Variants in MAU2 observed in about 807,000 individuals in gnomAD.
The protein encoded by MAU2 is MAU2 chromatid cohesion factor homolog.
A neutral mutation model predicts 89.1 loss-of-function variants in MAU2; 9 were observed. The observed-to-expected ratio is 0.10, with a 90% CI of 0.06 to 0.18. MAU2 has a LOEUF of 0.18. Ranked by LOEUF, MAU2 falls within the 10% of genes least tolerant of loss-of-function variation. The pLI is 1.00. For synonymous variants in MAU2, 357 were observed against 343.4 expected, an observed-to-expected ratio of 1.04 and a Z score of -0.44; for missense variants, 425 against 803.5, an observed-to-expected ratio of 0.53 and a Z score of 5.69.
Position 19,345,032 on chromosome 19 carries a change from C to G in MAU2, c.1155+106C>G. The G allele has an allele frequency of 9.7e-7, 1 of 1,026,118 alleles. No homozygotes were observed. Among genetic ancestry groups the G allele is most frequent in the Non-Finnish European group, 1.5e-6 (1 of 674,980 alleles). 63.6% of individuals were successfully genotyped at this position (1,026,118 alleles called of 1,614,324 possible). Reference sequence around the variant, plus strand: ...CCAGTGAAGGACCCCCTGACAGCACCCTAATCAGAATCCGGAATGTTCCCA... The same window carrying G: ...CCAGTGAAGGACCCCCTGACAGCACGCTAATCAGAATCCGGAATGTTCCCA... On this transcript the variant is annotated intron_variant, in intron 11 of 18. Coordinates refer to ENST00000262815, the MANE Select transcript of MAU2 (RefSeq NM_015329.4). The surrounding 1 kb of genome is among the most constrained non-coding windows in gnomAD (Gnocchi z 4.9).
chr19:19,325,276 A>C (rs976224805), intron 1 of MAU2, among the ~76,000 whole-genome samples: 1 of 152,094 alleles, frequency 6.6e-6, no homozygotes, highest in African/African-American at 2.4e-5. Flanking sequence ...CCCGGGTTCA[A>C]GCGAGTCTCC....
At chr19:19,340,262 A>C (rs2061631939) in intron 5 of MAU2, among the ~76,000 whole-genome samples, 1 of 148,920 alleles carries the variant, frequency 6.7e-6, no homozygotes, top group Admixed American at 6.7e-5. Flanking sequence ...GAACCCGGGA[A>C]GCATAGGTTG....
rs767634264 is a variant in MAU2, at chr19:19,349,197, C to G, written c.1401C>G (p.Leu467=). The G allele has an allele frequency of 2.2e-5, 36 of 1,614,084 alleles. 1 individual carries two copies. Among genetic ancestry groups the G allele is most frequent in the Non-Finnish European group, 2.3e-5 (27 of 1,180,060 alleles). ...LRAAAFYVRG[L]FSFFQGRYNE... is the part of the protein sequence containing the mutation. ...CAGCCGCCTTCTATGTGCGTGGGCTCTTCTCCTTCTTCCAGGGACGCTACA... is the reference window on the plus strand; with the variant it reads ...CAGCCGCCTTCTATGTGCGTGGGCTGTTCTCCTTCTTCCAGGGACGCTACA... Residue 467 remains leucine (L), a synonymous_variant, in exon 15 of 19, where the codon CTC becomes CTG. Transcript: ENST00000262815.
chr19:19,324,761 C>T (rs1348177339), intron 1 of MAU2, among the ~76,000 whole-genome samples: 1 of 152,226 alleles, frequency 6.6e-6, no homozygotes, highest in Non-Finnish European at 1.5e-5. Flanking sequence ...AACTTTATGC[C>T]TGGAAATCCC....
At chr19:19,333,492 A>G (rs1422303127) in intron 1 of MAU2, among the ~76,000 whole-genome samples, 1 of 152,192 alleles carries the variant, frequency 6.6e-6, no homozygotes, top group Non-Finnish European at 1.5e-5. Flanking sequence ...TCTCAAAAAA[A>G]AGGAAAAGCT....
chr19:19,344,046 A>C (rs1022355702), intron 10 of MAU2, 106 bp downstream of exon 10: 16 of 870,772 alleles, frequency 1.8e-5, no homozygotes, highest in Admixed American at 1.2e-4. Context: ...AGGCCAGCCC[A>C]TCCTGCTGTC....
At chr19:19,337,416 T>A in intron 4 of MAU2, 151 bp downstream of exon 4, 1 of 637,958 alleles carries the variant, frequency 1.6e-6, no homozygotes, top group Non-Finnish European at 2.8e-6. Context: ...AACATTTCCT[T>A]AACCTGCACA....
In MAU2 at chr19:19,345,719, T is replaced by G. The variant is rs1181719312; in HGVS notation, c.1221+350T>G. Among the ~76,000 whole-genome samples, 2 of 152,182 alleles carry G rather than the reference T, an allele frequency of 1.3e-5. No homozygotes were observed. Among genetic ancestry groups the G allele is most frequent in the African/African-American group, 4.8e-5 (2 of 41,444 alleles). ...GTCAGCTGACAACTCAGAGCCATCCTGGGTTCAGGGCTCCCATGGGGAGTG... is the reference window on the plus strand; with the variant it reads ...GTCAGCTGACAACTCAGAGCCATCCGGGGTTCAGGGCTCCCATGGGGAGTG... On this transcript the variant is annotated intron_variant, in intron 12 of 18. Coordinates refer to ENST00000262815, the MANE Select transcript of MAU2 (RefSeq NM_015329.4). The surrounding 1 kb of genome is among the most constrained non-coding windows in gnomAD (Gnocchi z 4.9).
At chr19:19,324,603 A>G (rs532834740) in intron 1 of MAU2, among the ~76,000 whole-genome samples, 17 of 152,210 alleles carry the variant, frequency 1.1e-4, no homozygotes, top group South Asian at 4.1e-4. Context: ...AGAAGCAGTC[A>G]TGCTGCAAAT....
At chr19:19,330,670 C>T (rs2061548577) in intron 1 of MAU2, among the ~76,000 whole-genome samples, 1 of 152,040 alleles carries the variant, frequency 6.6e-6, no homozygotes, top group Non-Finnish European at 1.5e-5. Context: ...AACCCGGGAG[C>T]CGGAGGGTGC....
rs1050942563 is a variant in MAU2, at chr19:19,350,049, C to G, written c.1548+613C>G. 2.0e-5 allele frequency among the ~76,000 whole-genome samples: 3 copies of G among 148,090 alleles called. No homozygotes were observed. In the Admixed American group the frequency reaches 2.0e-4, roughly 10 times the overall value. ...ATGGCTCACGCCTGTAATCCCAGCA[C>G]TTTGGGAGGCCAAGGCGGGCAGATC... On this transcript the variant is annotated intron_variant, in intron 16 of 18. Coordinates refer to ENST00000262815, the MANE Select transcript of MAU2 (RefSeq NM_015329.4).
intron 1 of MAU2, among the ~76,000 whole-genome samples, chr19:19,325,542 C>A (rs1418081122): frequency 6.6e-6 from 1 of 151,976 alleles, no homozygotes; most frequent in Non-Finnish European, 1.5e-5. Context: ...TGCAGTGGTG[C>A]GATTTCAGCT....
intron 17 of MAU2, chr19:19,355,006 C>T (rs970040621): frequency 8.9e-6 from 4 of 447,666 alleles, no homozygotes; most frequent in African/African-American, 5.9e-5. Flanking sequence ...TGAGGGCTGG[C>T]CATGGGCTCC....
At chr19:19,333,890 C>T (rs2061576169) in intron 1 of MAU2, among the ~76,000 whole-genome samples, 1 of 152,154 alleles carries the variant, frequency 6.6e-6, no homozygotes, top group Non-Finnish European at 1.5e-5. Flanking sequence ...GTGCTGTCTA[C>T]CCTGGACTGT....
chr19:19,341,108 G>C lies in MAU2; in HGVS notation c.580-144G>C, dbSNP rs1172458797. 2.8e-6 allele frequency: 3 copies of C among 1,071,372 alleles called. No individual in the cohort carries two copies. The East Asian group carries it at 7.7e-5, about 27-fold the overall frequency. The allele number at this position is 1,071,372 out of a possible 1,614,324, so 66.4% of individuals were successfully genotyped here. On this transcript the variant is annotated intron_variant, in intron 6 of 18. Coordinates refer to ENST00000262815, the MANE Select transcript of MAU2 (RefSeq NM_015329.4). The stretch of plus-strand genomic sequence containing the variant: ...TGAGGCAAGAGCCTGGTTAGGAGCT[G>C]CCTGGGCTGGGGTTTCAGGCTGGCC...
At chr19:19,344,989 A>G in intron 11 of MAU2, 63 bp downstream of exon 11, 1 of 1,466,338 alleles carries the variant, frequency 6.8e-7, no homozygotes, top group Non-Finnish European at 9.5e-7. Context: ...TAAGTACCTA[A>G]CCAGATCCAG....
In MAU2 at chr19:19,320,880, A is replaced by C; in HGVS notation, c.21A>C (p.Ala7=). The part of the protein sequence containing the change: MAAQAA[A]AAQAAAAQAA... The stretch of plus-strand genomic sequence containing the variant: ...CCAAAATGGCGGCTCAGGCGGCGGC[A>C]GCGGCCCAGGCGGCGGCGGCCCAGG... Residue 7 remains alanine (A), a synonymous_variant, in exon 1 of 19, where the codon GCA becomes GCC. Coordinates refer to ENST00000262815, the MANE Select transcript of MAU2 (RefSeq NM_015329.4). 1 of 1,516,028 alleles carries C rather than the reference A, an allele frequency of 6.6e-7. No individual in the cohort carries two copies. Among genetic ancestry groups the C allele is most frequent in the Non-Finnish European group, 8.8e-7 (1 of 1,133,298 alleles). 93.9% of individuals were successfully genotyped at this position (1,516,028 alleles called of 1,614,324 possible).
At position 19,358,079 on chromosome 19, in the gene MAU2, CAA is replaced by C. The variant is rs113101419; in HGVS notation, c.*2313_*2314del. The C allele has an allele frequency of 3.1e-4, 20 of 64,516 alleles. No homozygotes were observed. Among genetic ancestry groups the C allele is most frequent in the Admixed American group, 5.2e-4 (3 of 5,814 alleles). 4.0% of individuals were successfully genotyped at this position (64,516 alleles called of 1,614,324 possible). A position where few individuals can be genotyped will look rare whatever the true frequency, so the allele number is the denominator to read the frequency against. ...CCTGGGTGACGGTGAGACTTTGTCTCAAAAAAAAAAAAAAAAACAATGGAAGG... is the reference window on the plus strand; with the variant it reads ...CCTGGGTGACGGTGAGACTTTGTCTCAAAAAAAAAAAAAAACAATGGAAGG... On this transcript the variant is annotated 3_prime_UTR_variant, in exon 19 of 19. Transcript: ENST00000262815.
chr19:19,336,853 CCT>C (rs1201404339), intron 3 of MAU2, among the ~76,000 whole-genome samples: 1 of 152,188 alleles, frequency 6.6e-6, no homozygotes, highest in Non-Finnish European at 1.5e-5. Flanking sequence ...CACCCTGATG[CCT>C]CTCTCTGGTC....
Sources: gnomAD v4.1 joint callset for allele counts (sites outside exome capture counted in the v4.1 genomes callset) on GRCh38, gnomAD v4.1.1 for gene constraint, Gnocchi (gnomAD v3.1) non-coding constraint, MANE v1.5 for transcripts, NCBI Gene and HGNC (gene_info 2026-07-23, HGNC 2026-07-21) for gene names.